Variants in PCLO observed in about 807,000 individuals in gnomAD.
PCLO encodes the protein protein piccolo.
Under a neutral mutation model 427.5 loss-of-function variants are expected in PCLO, and 82 were observed. That is an observed-to-expected ratio of 0.19 (90% confidence interval 0.16 to 0.23). The LOEUF is 0.23. PCLO is among the 10% of genes least tolerant of loss of function. The pLI, the probability that PCLO is intolerant of heterozygous loss-of-function variation, is 1.00. For synonymous variants in PCLO, 2,357 were observed against 2,155.4 expected (o/e 1.09, Z -2.59); for missense variants, 6,239 against 6,115.9 (o/e 1.02, Z -0.67).
intron 1 of PCLO, among the ~76,000 whole-genome samples, chr7:83,160,742 A>G (rs1015085238): frequency 2.6e-5 from 4 of 152,174 alleles, no homozygotes; most frequent in African/African-American, 4.8e-5. Context: ...TAAACAGAAG[A>G]AAAGTTAGAA....
intron 22 of PCLO, among the ~76,000 whole-genome samples, chr7:82,775,946 A>G (rs867788938): frequency 6.6e-5 from 10 of 152,290 alleles, no homozygotes; most frequent in African/African-American, 2.2e-4. Context: ...CCATTTGTGA[A>G]TAGATAAAAT....
intron 3 of PCLO, among the ~76,000 whole-genome samples, chr7:83,117,006 A>C (rs56230312): frequency 0.098 from 14,878 of 152,280 alleles, 762 homozygotes; most frequent in South Asian, 0.15. Context: ...CTTTCCAGCT[A>C]TAAAAAGAAA....
chr7:82,869,022 A>C (rs989783325), intron 10 of PCLO, among the ~76,000 whole-genome samples: 8 of 152,110 alleles, frequency 5.3e-5, no homozygotes, highest in Non-Finnish European at 1.0e-4. Flanking sequence ...CACGATGGTA[A>C]TGTATTTCAC....
At chr7:83,061,648 C>T (rs553634809) in intron 3 of PCLO, among the ~76,000 whole-genome samples, 1 of 152,260 alleles carries the variant, frequency 6.6e-6, no homozygotes, top group African/African-American at 2.4e-5. Context: ...ACTTTCAACT[C>T]CCTTTCTAGT....
intron 3 of PCLO, among the ~76,000 whole-genome samples, chr7:83,114,706 T>C (rs1791089587): frequency 6.6e-6 from 1 of 152,104 alleles, no homozygotes; most frequent in South Asian, 2.1e-4. Flanking sequence ...TCCATATGTA[T>C]TATCAGATTG....
chr7:82,955,456 T>C lies in PCLO; in HGVS notation c.5497A>G (p.Ile1833Val). The change falls in exon 5 of 25, where the codon ATT becomes GTT. Residue 1833 changes from isoleucine (I) to valine (V), a missense_variant. This residue lies in a region of PCLO where 4,677 missense variants were observed against 4,468.4 expected (regional missense o/e 1.05). Transcript: ENST00000333891. ...TCTTCTGTCGGAGATGCATCTTCAATGGGAGAGAGATTACTAGGTGGTGTC... is the reference window on the plus strand; with the variant it reads ...TCTTCTGTCGGAGATGCATCTTCAACGGGAGAGAGATTACTAGGTGGTGTC... ...PKTPPSNLSP[I>V]EDASPTEELR... The C allele has an allele frequency of 1.2e-6, 2 of 1,613,658 alleles. No individual in the cohort carries two copies. The highest frequency in any genetic ancestry group is 1.3e-5 in the African/African-American group (1 of 75,032).
At position 82,838,287 on chromosome 7, in the gene PCLO, T is replaced by C. The variant is rs772848156; in HGVS notation, c.14153A>G (p.Asn4718Ser). Residue 4718 changes from asparagine (N) to serine (S), a missense_variant, in exon 15 of 25, where the codon AAT (asparagine) becomes AGT (serine). Coordinates refer to ENST00000333891, the MANE Select transcript of PCLO (RefSeq NM_033026.6). ...NLIIHILQAR[N>S]LVPRDNNGYS... ...ACCATTGTTGTCTCGAGGAACAAGATTTCTTGCTTGGAGAATATGTATTAT... is the reference window on the plus strand; with the variant it reads ...ACCATTGTTGTCTCGAGGAACAAGACTTCTTGCTTGGAGAATATGTATTAT... The C allele has an allele frequency of 4.5e-6, 7 of 1,572,190 alleles. No individual in the cohort carries two copies. The African/African-American group carries it at 9.4e-5, about 21-fold the overall frequency.
chr7:83,133,558 A>G (rs548937170), intron 3 of PCLO, among the ~76,000 whole-genome samples: 12 of 152,048 alleles, frequency 7.9e-5, no homozygotes, highest in Non-Finnish European at 1.5e-4. Flanking sequence ...CCCTTTAAAA[A>G]ACCCTTCATG....
chr7:83,132,087 T>C (rs1480072175), intron 3 of PCLO, among the ~76,000 whole-genome samples: 1 of 152,062 alleles, frequency 6.6e-6, no homozygotes, highest in African/African-American at 2.4e-5. Flanking sequence ...TACCTGAACA[T>C]GTAATAACTC....
At chr7:83,094,186 A>G (rs1458841540) in intron 3 of PCLO, among the ~76,000 whole-genome samples, 1 of 146,788 alleles carries the variant, frequency 6.8e-6, no homozygotes, top group East Asian at 2.0e-4. Flanking sequence ...AAAGTATGCA[A>G]CCTTTTGGGA....
At chr7:82,998,017 A>G (rs1037195715) in intron 3 of PCLO, among the ~76,000 whole-genome samples, 1 of 152,058 alleles carries the variant, frequency 6.6e-6, no homozygotes, top group Admixed American at 6.6e-5. Flanking sequence ...CTGTAAGAGA[A>G]GTGAAGTCAC....
intron 6 of PCLO, among the ~76,000 whole-genome samples, chr7:82,939,621 A>G (rs1795033189): frequency 6.7e-6 from 1 of 150,220 alleles, no homozygotes; most frequent in Non-Finnish European, 1.5e-5. Flanking sequence ...CCCACTGGAA[A>G]TATAAATATA....
chr7:83,117,943 TAGTA>T (rs1313547423), intron 3 of PCLO, among the ~76,000 whole-genome samples: 2 of 152,136 alleles, frequency 1.3e-5, no homozygotes, highest in Non-Finnish European at 2.9e-5. Flanking sequence ...CTAATAAAAA[TAGTA>T]AGGTTCTGAC....
Position 82,955,245 on chromosome 7 carries a change from T to G in PCLO, c.5708A>C (p.Gln1903Pro). 1 of 1,613,808 alleles carries G rather than the reference T, an allele frequency of 6.2e-7. No individual in the cohort carries two copies. The highest frequency in any genetic ancestry group is 8.5e-7 in the Non-Finnish European group (1 of 1,179,808). Residue 1903 changes from glutamine to proline, a missense_variant, in exon 5 of 25, where the codon CAG becomes CCG. Physicochemically the swap from Gln to Pro is moderately conservative, Grantham distance 76 (BLOSUM62 -1). Around this residue, in one of 5 missense-constraint regions of PCLO, gnomAD observed 4,677 missense variants for 4,468.4 expected, o/e 1.05. Transcript: ENST00000333891. ...TAACGCCTTTTGGCTACCTTCTTTCTGCATAATAGATTGCTCATCTGTTGG... is the reference window on the plus strand; with the variant it reads ...TAACGCCTTTTGGCTACCTTCTTTCGGCATAATAGATTGCTCATCTGTTGG... ...YSPTDEQSIM[Q>P]KEGSQKALKS... is the part of the protein sequence containing the mutation.
intron 10 of PCLO, among the ~76,000 whole-genome samples, chr7:82,872,054 G>A (rs1010502514): frequency 2.0e-5 from 3 of 151,830 alleles, no homozygotes; most frequent in Admixed American, 2.0e-4. Flanking sequence ...AGACTTCAGG[G>A]CATGGAGAAT....
Position 83,134,242 on chromosome 7 carries a change from T to TGTATATATATATATATATATAA in PCLO, c.3300+7_3300+8insTTATATATATATATATATATAC. 9.4e-7 allele frequency: 1 copy of TGTATATATATATATATATATAA among 1,065,442 alleles called. No individual in the cohort carries two copies. The highest frequency in any genetic ancestry group is 3.2e-5 in the East Asian group (1 of 31,484). 66.0% of individuals were successfully genotyped at this position (1,065,442 alleles called of 1,614,324 possible). On this transcript the variant is annotated splice_region_variant and intron_variant, in intron 3 of 24. Transcript: ENST00000333891. ...TAATATATATATATATATATATATA[T>TGTATATATATATATATATATAA]AACTTACCTCAGTCAAATGTGGTGT...
chr7:82,758,564 G>C lies in PCLO; in HGVS notation c.*11C>G. On this transcript the variant is annotated 3_prime_UTR_variant, in exon 25 of 25. Transcript: ENST00000333891. ...TAGAGCAGTTTCTATACCCTGAGAA[G>C]ACATGTTTCTTCAATGCGTTTGAGT... 2 of 1,606,182 alleles carry C rather than the reference G, an allele frequency of 1.2e-6. No individual in the cohort carries two copies. Among genetic ancestry groups the C allele is most frequent in the Non-Finnish European group, 1.7e-6 (2 of 1,176,256 alleles).
chr7:82,758,431 T>C lies in PCLO; in HGVS notation c.*144A>G, dbSNP rs1008383288. The C allele has an allele frequency of 3.5e-6, 2 of 578,068 alleles. No homozygotes were observed. The highest frequency in any genetic ancestry group is 5.9e-6 in the Non-Finnish European group (2 of 338,292). The allele number at this position is 578,068 out of a possible 1,614,324, so 35.8% of individuals were successfully genotyped here. On this transcript the variant is annotated 3_prime_UTR_variant, in exon 25 of 25. Coordinates refer to ENST00000333891, the MANE Select transcript of PCLO (RefSeq NM_033026.6). The stretch of plus-strand genomic sequence containing the variant: ...TTTGTGTGATCCACAACAATAAATG[T>C]ACAAGGTCTTAAGTATGTTTTTGCT...
intron 3 of PCLO, among the ~76,000 whole-genome samples, chr7:82,982,314 G>C (rs1455560718): frequency 6.6e-6 from 1 of 152,196 alleles, no homozygotes; most frequent in Non-Finnish European, 1.5e-5. Context: ...CATATAGAGT[G>C]GGGGATGAGA....
Sources: allele counts gnomAD v4.1 joint callset (sites outside exome capture counted in the v4.1 genomes callset), GRCh38; gene constraint gnomAD v4.1.1; regional missense constraint gnomAD v4.1.1; transcripts MANE v1.5; gene names NCBI Gene and HGNC (gene_info 2026-07-23, HGNC 2026-07-21).